The following TLN1 variants were observed in gnomAD, a reference collection of about 807,000 sequenced individuals.
TLN1 encodes the protein talin-1.
In TLN1, 56 loss-of-function variants were observed where a neutral mutation model predicts 292.3. That is an observed-to-expected ratio of 0.19 (90% confidence interval 0.15 to 0.24). The LOEUF (loss-of-function observed/expected upper bound fraction) is 0.24. Among genes scored for constraint, TLN1 ranks in the 10% least tolerant of loss-of-function variants. TLN1 has a pLI of 1.00. For missense variants in TLN1, 2,433 were observed against 3,248.2 expected, an observed-to-expected ratio of 0.75 and a Z score of 6.10; for synonymous variants, 1,119 against 1,253.7, an observed-to-expected ratio of 0.89 and a Z score of 2.27.
intron 1 of TLN1, among the ~76,000 whole-genome samples, chr9:35,731,201 C>G (rs1826073277): frequency 6.6e-6 from 1 of 152,160 alleles, no homozygotes; most frequent in African/African-American, 2.4e-5. Flanking sequence ...AGGGCATTTA[C>G]CTACTGCCAA....
At chr9:35,722,264 A>G (rs778086615) in intron 8 of TLN1, 41 bp from the exon 9 acceptor site, 1 of 1,546,492 alleles carries the variant, frequency 6.5e-7, no homozygotes, top group East Asian at 2.2e-5. Flanking sequence ...AGAGTTTCAT[A>G]TCACAGCTAA....
intron 11 of TLN1, 91 bp from the exon 12 acceptor site, chr9:35,720,600 T>C: frequency 7.5e-7 from 1 of 1,330,996 alleles, no homozygotes. Context: ...ACCAGCCATT[T>C]TCCAGAAGCT....
In TLN1 at chr9:35,699,378, G is replaced by C. The variant is rs1376609089; in HGVS notation, c.6852C>G (p.Ile2284Met). The C allele has an allele frequency of 1.2e-6, 2 of 1,613,660 alleles. No homozygotes were observed. Among genetic ancestry groups the C allele is most frequent in the Non-Finnish European group, 8.5e-7 (1 of 1,179,720 alleles). ...KRVAGSVTEL[I>M]QAAEAMKGTE... ...CACCCTTCATGGCTTCAGCAGCCTG[G>C]ATGAGCTCAGTGACGGAACCAGCCA... The change falls in exon 51 of 57, where the codon ATC becomes ATG. Residue 2284 changes from isoleucine (I) to methionine (M), a missense_variant. Around this residue, in one of 7 missense-constraint regions of TLN1, gnomAD observed 1,384 missense variants for 1,699.6 expected, o/e 0.81. Coordinates refer to ENST00000314888, the MANE Select transcript of TLN1 (RefSeq NM_006289.4). The surrounding 1 kb of genome is among the most constrained non-coding windows in gnomAD (Gnocchi z 4.0).
rs548979420 is a variant in TLN1 at position 35,697,666 on chromosome 9, T to C, written c.*125A>G. 136 of 1,422,816 alleles carry C rather than the reference T, an allele frequency of 9.6e-5. No individual in the cohort carries two copies. Among genetic ancestry groups the C allele is most frequent in the Non-Finnish European group, 1.3e-4 (134 of 1,053,408 alleles). 88.1% of individuals were successfully genotyped at this position (1,422,816 alleles called of 1,614,324 possible). A position where few individuals can be genotyped will look rare whatever the true frequency, so the allele number is the denominator to read the frequency against. ...TGCGGGACTGGGCGGGGCCAGGCCC[T>C]GGGGTTTGGCAGGCACTTTGGGGAG... On this transcript the variant is annotated 3_prime_UTR_variant, in exon 57 of 57. Transcript: ENST00000314888.
At chr9:35,700,493 G>T in intron 48 of TLN1, 117 bp from the exon 49 acceptor site, 1 of 1,095,804 alleles carries the variant, frequency 9.1e-7, no homozygotes, top group Non-Finnish European at 1.3e-6. Context: ...AATGTAACAA[G>T]GCAGTTGGTT....
At position 35,724,220 on chromosome 9, in the gene TLN1, G is replaced by A; in HGVS notation, c.626C>T (p.Pro209Leu). 1 of 1,614,164 alleles carries A rather than the reference G, an allele frequency of 6.2e-7. No homozygotes were observed. The highest frequency in any genetic ancestry group is 8.5e-7 in the Non-Finnish European group (1 of 1,180,038). ...YSDQNVDSRDPVQLNLLYVQA... is the reference protein window; with the variant it reads ...YSDQNVDSRDLVQLNLLYVQA... Reference sequence around the variant, plus strand: ...CACATACAGGAGGTTCAGCTGTACAGGGTCCCGGGAATCCACATTCTGGTC... The same window carrying A: ...CACATACAGGAGGTTCAGCTGTACAAGGTCCCGGGAATCCACATTCTGGTC... The change falls in exon 6 of 57, where the codon CCT becomes CTT. Residue 209 changes from proline (P) to leucine (L), a missense_variant. Transcript: ENST00000314888. This position sits in a 1 kb window ranked among gnomAD's most constrained non-coding sequence, Gnocchi z 4.7.
Position 35,712,102 on chromosome 9 carries a change from G to C in TLN1, c.3584C>G (p.Ala1195Gly), listed in dbSNP as rs1355697480. 1 of 1,613,910 alleles carries C rather than the reference G, an allele frequency of 6.2e-7. No homozygotes were observed. Among genetic ancestry groups the C allele is most frequent in the Non-Finnish European group, 8.5e-7 (1 of 1,179,926 alleles). Residue 1195 changes from alanine to glycine, a missense_variant, in exon 28 of 57, where the codon GCT becomes GGT. Transcript: ENST00000314888. ...TAGGCAGCTGACACAGCGGTTCAGA[G>C]CCTGGGTCACTGCTTTAGCCACCTG... ...LAQVAKAVTQ[A>G]LNRCVSCLPG...
chr9:35,724,501 C>A lies in TLN1; in HGVS notation c.511+71G>T. 2 of 1,580,184 alleles carry A rather than the reference C, an allele frequency of 1.3e-6. No individual in the cohort carries two copies. Among genetic ancestry groups the A allele is most frequent in the South Asian group, 1.2e-5 (1 of 85,940 alleles). On this transcript the variant is annotated intron_variant, in intron 5 of 56. Transcript: ENST00000314888. The surrounding 1 kb of genome is among the most constrained non-coding windows in gnomAD (Gnocchi z 4.7). ...CCCCAGGGTGTAAAACAGTGCCTGGCAGAAGCAGATGCTGAAGCCCCTTCC... is the reference window on the plus strand; with the variant it reads ...CCCCAGGGTGTAAAACAGTGCCTGGAAGAAGCAGATGCTGAAGCCCCTTCC...
chr9:35,716,500 CA>C lies in TLN1; in HGVS notation c.2514del (p.Asn838LysfsTer20). ...TCCCCCTCAGCATCAGCCTTGATGG[CA>C]TTGACCAGGTCAGATGTGGCTTGGG... ...ILAQATSDLVNAIKADAEGES... is the reference protein window; with the variant it reads ...ILAQATSDLVXAIKADAEGES... On this transcript the variant is annotated frameshift_variant, in exon 20 of 57. Coordinates refer to ENST00000314888, the MANE Select transcript of TLN1 (RefSeq NM_006289.4). LOFTEE classifies it high-confidence loss of function. 6.2e-7 allele frequency: 1 copy of C among 1,614,206 alleles called. No individual in the cohort carries two copies. The highest frequency in any genetic ancestry group is 8.5e-7 in the Non-Finnish European group (1 of 1,180,038).
chr9:35,711,540 C>A, intron 29 of TLN1, 55 bp downstream of exon 29: 1 of 1,611,474 alleles, frequency 6.2e-7, no homozygotes, highest in Non-Finnish European at 8.5e-7. Context: ...ACTCAACTGC[C>A]TCCTATCTAA....
Position 35,720,429 on chromosome 9 carries a change from G to C in TLN1, c.1283+4C>G, listed in dbSNP as rs745877559. 4 of 1,613,754 alleles carry C rather than the reference G, an allele frequency of 2.5e-6. No individual in the cohort carries two copies. The highest frequency in any genetic ancestry group is 3.4e-6 in the Non-Finnish European group (4 of 1,179,878). On this transcript the variant is annotated splice_donor_region_variant and intron_variant, in intron 12 of 56. Coordinates refer to ENST00000314888, the MANE Select transcript of TLN1 (RefSeq NM_006289.4). ...AAATGGGATCAGCCCAACTCCCTTC[G>C]TACTTTTTGGGGGACACTGAGTCCT... is the stretch of plus-strand genomic sequence containing the variant.
At position 35,704,179 on chromosome 9, in the gene TLN1, G is replaced by A; in HGVS notation, c.6048-5C>T. On this transcript the variant is annotated splice_region_variant and splice_polypyrimidine_tract_variant and intron_variant, in intron 45 of 56. Coordinates refer to ENST00000314888, the MANE Select transcript of TLN1 (RefSeq NM_006289.4). The surrounding 1 kb of genome is among the most constrained non-coding windows in gnomAD (Gnocchi z 6.9). The stretch of plus-strand genomic sequence containing the variant: ...GCAGTCTTCAGGATGCCCTCCCTGA[G>A]GGAGGGCCCAGCTTAGTCAGATCTC... 6.3e-7 allele frequency: 1 copy of A among 1,585,984 alleles called. No individual in the cohort carries two copies. Among genetic ancestry groups the A allele is most frequent in the Non-Finnish European group, 8.6e-7 (1 of 1,164,560 alleles).
chr9:35,711,650 C>A lies in TLN1; in HGVS notation c.3824G>T (p.Gly1275Val). The A allele has an allele frequency of 5.6e-6, 9 of 1,614,138 alleles. No homozygotes were observed. The highest frequency in any genetic ancestry group is 7.6e-6 in the Non-Finnish European group (9 of 1,180,032). ...QDLARASGRF[G>V]QDFSTFLEAG... ...TTCCAGGAAGGTGCTGAAGTCCTGTCCAAATCGGCCTGAGGCTCGAGCCAG... is the reference window on the plus strand; with the variant it reads ...TTCCAGGAAGGTGCTGAAGTCCTGTACAAATCGGCCTGAGGCTCGAGCCAG... Residue 1275 changes from glycine to valine, a missense_variant, in exon 29 of 57, where the codon GGA becomes GTA. By Grantham distance (109) the Gly-to-Val change is moderately radical. This residue lies in a region of TLN1 where 1,384 missense variants were observed against 1,699.6 expected (regional missense o/e 0.81). Coordinates refer to ENST00000314888, the MANE Select transcript of TLN1 (RefSeq NM_006289.4).
intron 34 of TLN1, 159 bp from the exon 35 acceptor site, chr9:35,708,051 TAC>T: frequency 1.2e-6 from 1 of 849,872 alleles, no homozygotes; most frequent in Non-Finnish European, 1.8e-6. Flanking sequence ...GAGACAGAGA[TAC>T]CCAAAGATGA....
In TLN1 at chr9:35,717,072, G is replaced by A. The variant is rs958769275; in HGVS notation, c.2458+74C>T. 9.3e-6 allele frequency: 14 copies of A among 1,511,688 alleles called. No homozygotes were observed. The highest frequency in any genetic ancestry group is 4.1e-5 in the Admixed American group (2 of 48,798). 93.6% of individuals were successfully genotyped at this position (1,511,688 alleles called of 1,614,324 possible). ...TCCTTGGGGTGAAGTGGTTAGGTCCGCAAGGGGATGATGTCCAGTGGGCTT... is the reference window on the plus strand; with the variant it reads ...TCCTTGGGGTGAAGTGGTTAGGTCCACAAGGGGATGATGTCCAGTGGGCTT... On this transcript the variant is annotated intron_variant, in intron 19 of 56. Coordinates refer to ENST00000314888, the MANE Select transcript of TLN1 (RefSeq NM_006289.4). This position sits in a 1 kb window ranked among gnomAD's most constrained non-coding sequence, Gnocchi z 4.7.
At position 35,699,909 on chromosome 9, in the gene TLN1, C is replaced by T. The variant is rs1825433445; in HGVS notation, c.6768+65G>A. ...GCAAAACAGACAGCAGGGTGCGAGG[C>T]CTGCAGGAAGAGGGCTGTGTATTCA... On this transcript the variant is annotated intron_variant, in intron 50 of 56. Coordinates refer to ENST00000314888, the MANE Select transcript of TLN1 (RefSeq NM_006289.4). This position sits in a 1 kb window ranked among gnomAD's most constrained non-coding sequence, Gnocchi z 4.0. The T allele has an allele frequency of 1.3e-6, 2 of 1,495,702 alleles. No individual in the cohort carries two copies. Among genetic ancestry groups the T allele is most frequent in the South Asian group, 1.2e-5 (1 of 81,838 alleles). The allele number at this position is 1,495,702 out of a possible 1,614,324, so 92.7% of individuals were successfully genotyped here.
chr9:35,726,073 T>C (rs1023732428), intron 1 of TLN1, among the ~76,000 whole-genome samples: 3 of 152,066 alleles, frequency 2.0e-5, no homozygotes, highest in Admixed American at 6.5e-5. Context: ...CTGCCATGCC[T>C]GGCTAATTTT....
At chr9:35,708,884 T>TAA (rs1440114106) in intron 33 of TLN1, among the ~76,000 whole-genome samples, 2 of 152,210 alleles carry the variant, frequency 1.3e-5, no homozygotes, top group Non-Finnish European at 2.9e-5. Context: ...AAGCCTCTTT[T>TAA]AAAGACAGTT....
At chr9:35,726,217 C>T (rs1196039057) in intron 1 of TLN1, among the ~76,000 whole-genome samples, 1 of 152,184 alleles carries the variant, frequency 6.6e-6, no homozygotes, top group East Asian at 1.9e-4. Flanking sequence ...CAAGTCCTAA[C>T]AATTTAAGAC....
Sources: allele counts gnomAD v4.1 joint callset (sites outside exome capture counted in the v4.1 genomes callset), GRCh38; gene constraint gnomAD v4.1.1; regional missense constraint gnomAD v4.1.1; non-coding constraint Gnocchi (gnomAD v3.1); transcripts MANE v1.5; gene names NCBI Gene and HGNC (gene_info 2026-07-23, HGNC 2026-07-21).